Variants in FAM227B observed in about 807,000 individuals in gnomAD.
FAM227B encodes protein FAM227B.
In FAM227B, 88 loss-of-function variants were observed where a neutral mutation model predicts 73.8. That is an observed-to-expected ratio of 1.19 (90% confidence interval 1.00 to 1.42). The LOEUF (loss-of-function observed/expected upper bound fraction) is 1.42, where lower values mean the gene tolerates loss of function less well. Among genes scored for constraint, FAM227B ranks in the 40% most tolerant of loss-of-function variants. The pLI is 0.00. For missense variants in FAM227B, 632 were observed against 590.9 expected (o/e 1.07, Z -0.72); for synonymous variants, 210 against 190.5 (o/e 1.10, Z -0.84).
chr15:49,375,130 G>A (rs1199531846), intron 11 of FAM227B, among the ~76,000 whole-genome samples: 1 of 152,114 alleles, frequency 6.6e-6, no homozygotes, highest in African/African-American at 2.4e-5. Context: ...TCCAAGTAAT[G>A]TTAACATAAT....
chr15:49,547,390 G>C (rs1343773251), intron 9 of FAM227B, among the ~76,000 whole-genome samples: 1 of 150,180 alleles, frequency 6.7e-6, no homozygotes, highest in Non-Finnish European at 1.5e-5. Context: ...AAAATAACCA[G>C]CTAACATCAA....
chr15:49,445,501 AC>A (rs1567289446), intron 11 of FAM227B, among the ~76,000 whole-genome samples: 1 of 151,480 alleles, frequency 6.6e-6, no homozygotes, highest in Non-Finnish European at 1.5e-5. Flanking sequence ...AAACAAACAG[AC>A]CTTTTGCTTA....
intron 11 of FAM227B, among the ~76,000 whole-genome samples, chr15:49,422,869 G>T (rs1204603951): frequency 6.6e-6 from 1 of 152,138 alleles, no homozygotes; most frequent in African/African-American, 2.4e-5. Context: ...TGAGCACAAA[G>T]AAGTAATTGA....
intron 9 of FAM227B, among the ~76,000 whole-genome samples, chr15:49,550,669 A>G: frequency 6.7e-6 from 1 of 148,648 alleles, no homozygotes. Flanking sequence ...GGCTCTCCCC[A>G]CATCTCAGAC....
At chr15:49,385,166 A>T (rs926874083) in intron 11 of FAM227B, among the ~76,000 whole-genome samples, 3 of 151,894 alleles carry the variant, frequency 2.0e-5, no homozygotes, top group African/African-American at 7.2e-5. Flanking sequence ...TCTCCTATTT[A>T]TTAGGAGAGT....
At chr15:49,613,433 G>A (rs147171626) in intron 2 of FAM227B, among the ~76,000 whole-genome samples, 3 of 152,182 alleles carry the variant, frequency 2.0e-5, no homozygotes, top group Admixed American at 6.5e-5. Flanking sequence ...CCCCAGAGGC[G>A]GAGGTTGCGG....
chr15:49,571,080 T>C (rs1451660375), intron 8 of FAM227B, among the ~76,000 whole-genome samples: 1 of 151,618 alleles, frequency 6.6e-6, no homozygotes, highest in Non-Finnish European at 1.5e-5. Context: ...TAAACTCCTT[T>C]GGATATAAAC....
intron 9 of FAM227B, among the ~76,000 whole-genome samples, chr15:49,547,599 T>C (rs1209549510): frequency 6.6e-6 from 1 of 151,724 alleles, no homozygotes. Flanking sequence ...ACCAAGCAAA[T>C]GGAAAACAAA....
intron 13 of FAM227B, among the ~76,000 whole-genome samples, chr15:49,345,277 C>G (rs1162573282): frequency 1.3e-5 from 2 of 152,002 alleles, no homozygotes; most frequent in African/African-American, 4.8e-5. Flanking sequence ...TTGAAATGAA[C>G]TGGGTAGACA....
intron 9 of FAM227B, among the ~76,000 whole-genome samples, chr15:49,549,973 A>C (rs1341639318): frequency 3.6e-5 from 3 of 83,804 alleles, no homozygotes; most frequent in Non-Finnish European, 5.8e-5. Flanking sequence ...TGACCCCCCC[A>C]CCTCCCTCCC....
chr15:49,349,930 T>C (rs556430431), intron 13 of FAM227B, among the ~76,000 whole-genome samples: 48 of 150,110 alleles, frequency 3.2e-4, no homozygotes, highest in African/African-American at 1.2e-3. Context: ...CAAAACAAAA[T>C]GAGAGGGAGA....
At chr15:49,565,100 G>A (rs1477002927) in intron 9 of FAM227B, among the ~76,000 whole-genome samples, 17 of 151,926 alleles carry the variant, frequency 1.1e-4, no homozygotes, top group Admixed American at 1.1e-3. Flanking sequence ...ATCATAATCA[G>A]AGGCCGGGCA....
In FAM227B at chr15:49,328,097, G is replaced by A; in HGVS notation, c.*471C>T. 1 of 1,614,086 alleles carries A rather than the reference G, an allele frequency of 6.2e-7. No homozygotes were observed. Among genetic ancestry groups the A allele is most frequent in the South Asian group, 1.1e-5 (1 of 91,076 alleles). ...GAGGAGTGATGGAAGCTTAGCACCG[G>A]AGAAGCAAAGTTTGTTTGCTACCAA... On this transcript the variant is annotated 3_prime_UTR_variant, in exon 16 of 16. Transcript: ENST00000299338.
chr15:49,429,892 A>T (rs1221923807), intron 11 of FAM227B, among the ~76,000 whole-genome samples: 1 of 151,912 alleles, frequency 6.6e-6, no homozygotes, highest in Admixed American at 6.6e-5. Flanking sequence ...AAGTTCTCCA[A>T]TGATTCTAAA....
chr15:49,503,989 C>T (rs552951911), intron 11 of FAM227B, among the ~76,000 whole-genome samples: 26 of 151,950 alleles, frequency 1.7e-4, no homozygotes, highest in African/African-American at 2.7e-4. Flanking sequence ...ATGTTTATTG[C>T]GGCACTATTC....
At chr15:49,469,221 A>G (rs902947752) in intron 11 of FAM227B, among the ~76,000 whole-genome samples, 7 of 152,158 alleles carry the variant, frequency 4.6e-5, no homozygotes, top group Admixed American at 4.6e-4. Context: ...ATAAAATTAT[A>G]TTACTCTGTT....
At chr15:49,525,698 A>G (rs1426797220) in intron 10 of FAM227B, among the ~76,000 whole-genome samples, 6 of 66,812 alleles carry the variant, frequency 9.0e-5, no homozygotes, top group Non-Finnish European at 2.5e-4. Context: ...ATATATATAT[A>G]TATATATATA....
chr15:49,504,827 TATTTATAGCA>T (rs1328551750), intron 11 of FAM227B, among the ~76,000 whole-genome samples: 1 of 152,194 alleles, frequency 6.6e-6, no homozygotes, highest in Non-Finnish European at 1.5e-5. Flanking sequence ...TTCAGATATT[TATTTATAGCA>T]ATGCAAGAAT....
chr15:49,581,481 G>A (rs2075810209), intron 5 of FAM227B, among the ~76,000 whole-genome samples: 1 of 151,976 alleles, frequency 6.6e-6, no homozygotes, highest in Non-Finnish European at 1.5e-5. Context: ...ACTGCGCCTG[G>A]CTAATTTTGT....
Sources: allele counts gnomAD v4.1 joint callset (sites outside exome capture counted in the v4.1 genomes callset), GRCh38; gene constraint gnomAD v4.1.1; transcripts MANE v1.5; gene names NCBI Gene and HGNC (gene_info 2026-07-23, HGNC 2026-07-21).